Variants in HEYL observed in about 807,000 individuals in gnomAD.
HEYL encodes hes related family bHLH transcription factor with YRPW motif like, also known as hairy/enhancer-of-split related with YRPW motif-like protein.
Under a neutral mutation model 18.6 loss-of-function variants are expected in HEYL, and 12 were observed. The observed-to-expected ratio is 0.65, with a 90% CI of 0.41 to 1.05. HEYL has a LOEUF of 1.05. Ranked by LOEUF, HEYL falls within the 50% of genes least tolerant of loss-of-function variation. The probability of loss-of-function intolerance (pLI) is 0.00; values close to 1 mark genes in which losing one functional copy is unlikely to be tolerated. For missense variants in HEYL, 420 were observed against 444.7 expected (o/e 0.94, Z 0.50); for synonymous variants, 159 against 179.6 (o/e 0.89, Z 0.91).
intron 4 of HEYL, among the ~76,000 whole-genome samples, chr1:39,629,141 T>A (rs1394440358): frequency 6.6e-6 from 1 of 152,166 alleles, no homozygotes; most frequent in Non-Finnish European, 1.5e-5. Flanking sequence ...CAGAAAATGG[T>A]GGTAACACTA....
At position 39,626,418 on chromosome 1, in the gene HEYL, G is replaced by A. The variant is rs1048461291; in HGVS notation, c.*89C>T. On this transcript the variant is annotated 3_prime_UTR_variant, in exon 5 of 5. Transcript: ENST00000372852. ...TGCCTTCACATATGAGCCAGTCCATGAAGCAAAGCAGAAAAGGCAGTGCCC... is the reference window on the plus strand; with the variant it reads ...TGCCTTCACATATGAGCCAGTCCATAAAGCAAAGCAGAAAAGGCAGTGCCC... The A allele has an allele frequency of 1.9e-5, 24 of 1,251,096 alleles. 1 individual carries two copies. In the South Asian group the frequency reaches 1.9e-4, roughly 10 times the overall value. The allele number at this position is 1,251,096 out of a possible 1,614,324, so 77.5% of individuals were successfully genotyped here.
chr1:39,630,765 C>G (rs148270837), intron 3 of HEYL, among the ~76,000 whole-genome samples: 12 of 152,364 alleles, frequency 7.9e-5, no homozygotes, highest in South Asian at 4.1e-4. Context: ...TCTAGCTCAT[C>G]ATCTTATCCC....
chr1:39,627,196 T>C lies in HEYL; in HGVS notation c.314-16A>G. 6.2e-7 allele frequency: 1 copy of C among 1,602,824 alleles called. No homozygotes were observed. The highest frequency in any genetic ancestry group is 8.5e-7 in the Non-Finnish European group (1 of 1,172,404). Reference sequence around the variant, plus strand: ...TCAAAGAATCCTGCAAAGGGAGGCGTGATGAAGGTCATGCCAGGTGTGGGG... The same window carrying C: ...TCAAAGAATCCTGCAAAGGGAGGCGCGATGAAGGTCATGCCAGGTGTGGGG... On this transcript the variant is annotated splice_polypyrimidine_tract_variant and intron_variant, in intron 4 of 4. Coordinates refer to ENST00000372852, the MANE Select transcript of HEYL (RefSeq NM_014571.4).
intron 1 of HEYL, chr1:39,633,157 C>T: frequency 1.0e-6 from 1 of 978,926 alleles, no homozygotes; most frequent in Non-Finnish European, 1.2e-6. Context: ...GCGCGCCGGC[C>T]GCCCGCCCTC....
At position 39,639,592 on chromosome 1, in the gene HEYL, C is replaced by CG; in HGVS notation, c.33dup (p.Gly12ArgfsTer51). 1 of 1,579,220 alleles carries CG rather than the reference C, an allele frequency of 6.3e-7. No homozygotes were observed. The highest frequency in any genetic ancestry group is 8.6e-7 in the Non-Finnish European group (1 of 1,167,552). The stretch of plus-strand genomic sequence containing the variant: ...ACGTCGATGGGTCCGTCGGACTCCC[C>CG]GTCGGAGCCGCTCGGCTCCTTGGGT... On this transcript the variant is annotated frameshift_variant, in exon 1 of 5. Coordinates refer to ENST00000372852, the MANE Select transcript of HEYL (RefSeq NM_014571.4). LOFTEE classifies it high-confidence loss of function.
chr1:39,635,640 G>A (rs995451622), intron 1 of HEYL, among the ~76,000 whole-genome samples: 1 of 152,190 alleles, frequency 6.6e-6, no homozygotes, highest in African/African-American at 2.4e-5. Flanking sequence ...TTACAGATGA[G>A]GTTGCTGAGC....
intron 1 of HEYL, among the ~76,000 whole-genome samples, chr1:39,639,235 C>T (rs1223986405): frequency 6.6e-6 from 1 of 152,192 alleles, no homozygotes; most frequent in Non-Finnish European, 1.5e-5. Flanking sequence ...GGAAAACCTG[C>T]CAATGGCCTC....
At chr1:39,631,628 C>A (rs895988454) in intron 2 of HEYL, 49 bp from the exon 3 acceptor site, 2 of 1,494,944 alleles carry the variant, frequency 1.3e-6, no homozygotes, top group African/African-American at 2.8e-5. Flanking sequence ...ATCACAGTTT[C>A]CAAAGTGCCT....
Position 39,630,308 on chromosome 1 carries a change from C to T in HEYL, c.232G>A (p.Gly78Ser). The T allele has an allele frequency of 6.2e-7, 1 of 1,613,660 alleles. No individual in the cohort carries two copies. Among genetic ancestry groups the T allele is most frequent in the South Asian group, 1.1e-5 (1 of 91,062 alleles). ...RLVPTAFEKQ[G>S]SSKLEKAEVL... ...TCGGCTTTCTCCAGCTTGGAAGAGC[C>T]CTGCGGGTACAGAAGACAGAAGGGT... Residue 78 changes from glycine to serine, a missense_variant and splice_region_variant, in exon 4 of 5, where the codon GGC becomes AGC. Coordinates refer to ENST00000372852, the MANE Select transcript of HEYL (RefSeq NM_014571.4).
At chr1:39,630,171 C>T (rs1017172569) in intron 4 of HEYL, 56 bp downstream of exon 4, 36 of 1,497,812 alleles carry the variant, frequency 2.4e-5, no homozygotes, top group South Asian at 5.6e-5. Flanking sequence ...TCCCCAGGGC[C>T]CAGCCTCAAA....
Position 39,627,130 on chromosome 1 carries a change from G to A in HEYL, c.364C>T (p.Arg122Trp), listed in dbSNP as rs749174750. The A allele has an allele frequency of 3.1e-6, 5 of 1,613,940 alleles. No homozygotes were observed. Among genetic ancestry groups the A allele is most frequent in the East Asian group, 4.5e-5 (2 of 44,876 alleles). Residue 122 changes from arginine (R) to tryptophan (W), a missense_variant, in exon 5 of 5, where the codon CGG becomes TGG. Physicochemically the swap from Arg to Trp is moderately radical, Grantham distance 101. Transcript: ENST00000372852. ...CTGATGACCTCAGTGAGGCACTCCC[G>A]AAAACCAATGCTCCGGAAGTCAACT... is the stretch of plus-strand genomic sequence containing the variant. Reference protein sequence around the residue: ...LAVDFRSIGFRECLTEVIRYL... With the variant: ...LAVDFRSIGFWECLTEVIRYL...
chr1:39,626,367 A>AG lies in HEYL; in HGVS notation c.*139dup. The AG allele has an allele frequency of 1.5e-6, 1 of 689,120 alleles. No homozygotes were observed. Among genetic ancestry groups the AG allele is most frequent in the Non-Finnish European group, 2.4e-6 (1 of 424,408 alleles). 42.7% of individuals were successfully genotyped at this position (689,120 alleles called of 1,614,324 possible). A position where few individuals can be genotyped will look rare whatever the true frequency, so the allele number is the denominator to read the frequency against. On this transcript the variant is annotated 3_prime_UTR_variant, in exon 5 of 5. Transcript: ENST00000372852. ...AGAAGGAGAGATGGGTTGGAGGAGGAGGGGGCCTCTGATGGCTGGAGAACG... is the reference window on the plus strand; with the variant it reads ...AGAAGGAGAGATGGGTTGGAGGAGGAGGGGGGCCTCTGATGGCTGGAGAACG...
At position 39,630,262 on chromosome 1, in the gene HEYL, T is replaced by C; in HGVS notation, c.278A>G (p.Asp93Gly). ...AGTGGCATGGAGCATTTTCAAGTGA[T>C]CCACCGTCATCTGCAAGACCTCGGC... is the stretch of plus-strand genomic sequence containing the variant. ...EKAEVLQMTV[D>G]HLKMLHATGG... Residue 93 changes from aspartate (D) to glycine (G), a missense_variant, in exon 4 of 5, where the codon GAT (aspartate) becomes GGT (glycine). Transcript: ENST00000372852. 3 of 1,614,076 alleles carry C rather than the reference T, an allele frequency of 1.9e-6. No individual in the cohort carries two copies. Among genetic ancestry groups the C allele is most frequent in the Non-Finnish European group, 1.7e-6 (2 of 1,180,006 alleles).
chr1:39,626,913 G>A lies in HEYL; in HGVS notation c.581C>T (p.Ala194Val), dbSNP rs1208116260. 1 of 1,610,996 alleles carries A rather than the reference G, an allele frequency of 6.2e-7. No homozygotes were observed. Among genetic ancestry groups the A allele is most frequent in the East Asian group, 2.2e-5 (1 of 44,774 alleles). ...PGLPALSNQL[A>V]ILGRVPSPVL... ...AGGGCTGGGCACTCTTCCCAGGATG[G>A]CGAGCTGGTTGCTCAGGGCTGGCAG... Residue 194 changes from alanine (A) to valine (V), a missense_variant, in exon 5 of 5, where the codon GCC becomes GTC. Transcript: ENST00000372852.
In HEYL at chr1:39,630,256, A is replaced by G; in HGVS notation, c.284T>C (p.Leu95Ser). Residue 95 changes from leucine to serine, a missense_variant, in exon 4 of 5, where the codon TTG becomes TCG. Coordinates refer to ENST00000372852, the MANE Select transcript of HEYL (RefSeq NM_014571.4). ...AEVLQMTVDH[L>S]KMLHATGGTG... ...CCCACCAGTGGCATGGAGCATTTTC[A>G]AGTGATCCACCGTCATCTGCAAGAC... is the stretch of plus-strand genomic sequence containing the variant. The G allele has an allele frequency of 6.2e-7, 1 of 1,614,142 alleles. No individual in the cohort carries two copies.
At chr1:39,638,489 C>T (rs895822657) in intron 1 of HEYL, among the ~76,000 whole-genome samples, 6 of 152,214 alleles carry the variant, frequency 3.9e-5, no homozygotes, top group African/African-American at 1.4e-4. Flanking sequence ...CTGAATTCCC[C>T]TCCAATTCTG....
intron 4 of HEYL, among the ~76,000 whole-genome samples, chr1:39,628,685 C>T (rs1241882469): frequency 2.0e-5 from 3 of 152,186 alleles, no homozygotes; most frequent in African/African-American, 7.2e-5. Flanking sequence ...GAAAGCTCCG[C>T]CTTCTGGGTT....
chr1:39,624,563 G>T lies in HEYL; in HGVS notation c.*1944C>A, dbSNP rs539771599. The T allele has an allele frequency of 1.1e-4, 17 of 152,862 alleles. No homozygotes were observed. The highest frequency in any genetic ancestry group is 2.5e-4 in the Non-Finnish European group (17 of 68,434). The allele number at this position is 152,862 out of a possible 1,614,324, so 9.5% of individuals were successfully genotyped here. ...TTGTCCTTGTTCCTGTCCTGAGTGG[G>T]CCCCTTCATGATAACGGGGAAACTG... On this transcript the variant is annotated 3_prime_UTR_variant, in exon 5 of 5. Coordinates refer to ENST00000372852, the MANE Select transcript of HEYL (RefSeq NM_014571.4).
chr1:39,631,430 T>G, intron 3 of HEYL, 66 bp downstream of exon 3: 3 of 1,394,922 alleles, frequency 2.2e-6, no homozygotes, highest in Non-Finnish European at 3.1e-6. Flanking sequence ...AGAGATGCCA[T>G]GAGAAACGAA....
Sources: allele counts gnomAD v4.1 joint callset (sites outside exome capture counted in the v4.1 genomes callset), GRCh38; gene constraint gnomAD v4.1.1; transcripts MANE v1.5; gene names NCBI Gene and HGNC (gene_info 2026-07-23, HGNC 2026-07-21).